CSMD1: variants seen among roughly 807,000 people sequenced by gnomAD.
CSMD1 encodes the protein CUB and sushi domain-containing protein 1.
In CSMD1, 213 loss-of-function variants were observed where a neutral mutation model predicts 417.5. The ratio of observed to expected loss-of-function variants is 0.51; its 90% CI spans 0.46 to 0.57. The LOEUF (loss-of-function observed/expected upper bound fraction) is 0.57. Among genes scored for constraint, CSMD1 ranks in the 20% least tolerant of loss-of-function variants. The probability of loss-of-function intolerance (pLI) is 0.00; values close to 1 mark genes in which losing one functional copy is unlikely to be tolerated. For missense variants in CSMD1, 6,923 were observed against 4,529.7 expected (o/e 1.53, Z -15.17); for synonymous variants, 2,862 against 1,736.8 (o/e 1.65, Z -16.11).
At chr8:4,604,959 T>A (rs1382864736) in intron 2 of CSMD1, among the ~76,000 whole-genome samples, 3 of 152,190 alleles carry the variant, frequency 2.0e-5, no homozygotes, top group Non-Finnish European at 2.9e-5. Context: ...TTTGTTCTTG[T>A]GGGTCTATGC....
At chr8:4,030,731 G>A (rs769733188) in intron 4 of CSMD1, among the ~76,000 whole-genome samples, 2 of 152,084 alleles carry the variant, frequency 1.3e-5, no homozygotes, top group African/African-American at 2.4e-5. Flanking sequence ...TGGAAAATGG[G>A]ATTTTCTTTT....
At chr8:4,148,512 G>C (rs554764003) in intron 3 of CSMD1, among the ~76,000 whole-genome samples, 1 of 146,788 alleles carries the variant, frequency 6.8e-6, no homozygotes, top group South Asian at 2.1e-4. Context: ...AAAACTTAAA[G>C]TATAATTAAA....
Position 3,471,222 on chromosome 8 carries a change from A to T in CSMD1, c.1449-2398T>A, listed in dbSNP as rs568692342. ...TTTAACAGCTACGTGCATTTAACTA[A>T]TGGGTAATGATGTACAACATTGTCT... On this transcript the variant is annotated intron_variant, in intron 11 of 69. Transcript: ENST00000635120. Among the ~76,000 whole-genome samples, 17 of 152,276 alleles carry T rather than the reference A, an allele frequency of 1.1e-4. 1 individual carries two copies. In the South Asian group the frequency reaches 3.5e-3, roughly 32 times the overall value.
intron 3 of CSMD1, among the ~76,000 whole-genome samples, chr8:4,318,978 C>T (rs1210215803): frequency 1.3e-5 from 2 of 152,112 alleles, no homozygotes; most frequent in Non-Finnish European, 2.9e-5. Flanking sequence ...GACAATCTAT[C>T]ATCTTCATAT....
At chr8:4,593,713 G>C (rs1014734254) in intron 2 of CSMD1, among the ~76,000 whole-genome samples, 2 of 152,064 alleles carry the variant, frequency 1.3e-5, no homozygotes, top group African/African-American at 4.8e-5. Flanking sequence ...TTGTATACCA[G>C]ATCTCTTAAT....
At chr8:3,670,603 C>CAT (rs1491347622) in intron 7 of CSMD1, among the ~76,000 whole-genome samples, 1 of 100,900 alleles carries the variant, frequency 9.9e-6, no homozygotes, top group Non-Finnish European at 2.3e-5. Flanking sequence ...ATATATATTG[C>CAT]ACATATATAT....
At chr8:4,909,631 G>C (rs543336134) in intron 1 of CSMD1, among the ~76,000 whole-genome samples, 2 of 152,286 alleles carry the variant, frequency 1.3e-5, no homozygotes, top group African/African-American at 4.8e-5. Context: ...GTTCCTAGAA[G>C]TAAAGGCAAT....
intron 19 of CSMD1, among the ~76,000 whole-genome samples, chr8:3,368,040 C>A (rs901991618): frequency 2.6e-5 from 4 of 152,096 alleles, no homozygotes; most frequent in Non-Finnish European, 5.9e-5. Context: ...GTAACCGGAA[C>A]TACAAAGGCT....
At chr8:4,656,554 T>C (rs1351105) in intron 1 of CSMD1, among the ~76,000 whole-genome samples, 104,796 of 151,936 alleles carry the variant, frequency 0.69, 36,987 homozygotes, top group African/African-American at 0.84. Flanking sequence ...TGATGCCATA[T>C]TCAACTTGCA....
In CSMD1 at chr8:4,433,520, G is replaced by T. The variant is rs117024041; in HGVS notation, c.303-13455C>A. 1.1e-4 allele frequency among the ~76,000 whole-genome samples: 16 copies of T among 152,252 alleles called. No individual in the cohort carries two copies. In the East Asian group the frequency reaches 2.9e-3, roughly 28 times the overall value. On this transcript the variant is annotated intron_variant, in intron 2 of 69. Transcript: ENST00000635120. Reference sequence around the variant, plus strand: ...TTCCCTCATTCCCAAGGCAGCCCCAGATCCCCCTGCCGGCAAGAAAAACCT... The same window carrying T: ...TTCCCTCATTCCCAAGGCAGCCCCATATCCCCCTGCCGGCAAGAAAAACCT...
chr8:4,446,613 G>C (rs374396958), intron 2 of CSMD1, among the ~76,000 whole-genome samples: 2 of 152,150 alleles, frequency 1.3e-5, no homozygotes, highest in East Asian at 1.9e-4. Context: ...CAGTGCAGCA[G>C]CGCGATCTCA....
intron 2 of CSMD1, among the ~76,000 whole-genome samples, chr8:4,425,366 CTTAT>C (rs760748772): frequency 3.2e-5 from 4 of 124,760 alleles, no homozygotes; most frequent in Non-Finnish European, 6.6e-5. Flanking sequence ...TGGATTCATT[CTTAT>C]TTGTGTGCCA....
intron 3 of CSMD1, among the ~76,000 whole-genome samples, chr8:4,044,729 CGTACCACCCTGGGCAT>C (rs1434466874): frequency 4.2e-5 from 1 of 23,920 alleles, no homozygotes; most frequent in Non-Finnish European, 1.4e-4. Context: ...ACCCTGGACA[CGTACCACCCTGGGCAT>C]GTACCACCCT....
intron 3 of CSMD1, among the ~76,000 whole-genome samples, chr8:4,045,099 G>C (rs1457756878): frequency 6.6e-6 from 1 of 152,184 alleles, no homozygotes; most frequent in African/African-American, 2.4e-5. Context: ...ACGGGGCACA[G>C]GGAGACACTG....
At chr8:4,985,074 A>G (rs1165250853) in intron 1 of CSMD1, among the ~76,000 whole-genome samples, 1 of 152,174 alleles carries the variant, frequency 6.6e-6, no homozygotes, top group Non-Finnish European at 1.5e-5. Context: ...ACGTGGGTGG[A>G]GCTGGAGGCC....
intron 3 of CSMD1, among the ~76,000 whole-genome samples, chr8:4,047,683 T>TA (rs1274293205): frequency 6.6e-6 from 1 of 152,088 alleles, no homozygotes; most frequent in Admixed American, 6.6e-5. Context: ...GAAACACCAT[T>TA]AAAAAAATAA....
intron 2 of CSMD1, among the ~76,000 whole-genome samples, chr8:4,567,217 T>C (rs552334485): frequency 1.3e-5 from 2 of 152,216 alleles, no homozygotes; most frequent in East Asian, 3.9e-4. Flanking sequence ...GCATGAACAG[T>C]GGGGATTGAA....
intron 7 of CSMD1, among the ~76,000 whole-genome samples, chr8:3,619,093 G>A (rs1295397177): frequency 6.6e-6 from 1 of 152,160 alleles, no homozygotes; most frequent in South Asian, 2.1e-4. Flanking sequence ...AGGGATTCCA[G>A]GCAGAGGAAT....
At chr8:4,160,002 G>C (rs370574620) in intron 3 of CSMD1, among the ~76,000 whole-genome samples, 2 of 151,888 alleles carry the variant, frequency 1.3e-5, no homozygotes, top group South Asian at 2.1e-4. Context: ...TAATGCTCTG[G>C]TGATGGGTGC....
Sources: gnomAD v4.1 joint callset for allele counts (sites outside exome capture counted in the v4.1 genomes callset) on GRCh38, gnomAD v4.1.1 for gene constraint, MANE v1.5 for transcripts, NCBI Gene and HGNC (gene_info 2026-07-23, HGNC 2026-07-21) for gene names.